Variants in CSNK1E observed in about 807,000 individuals in gnomAD.
The protein encoded by CSNK1E is casein kinase I isoform epsilon.
A neutral mutation model predicts 46.1 loss-of-function variants in CSNK1E; 17 were observed. The ratio of observed to expected loss-of-function variants is 0.37; its 90% CI spans 0.25 to 0.55. CSNK1E has a LOEUF of 0.55. CSNK1E is among the 20% of genes least tolerant of loss of function. CSNK1E has a pLI of 0.82. For missense variants in CSNK1E, 386 were observed against 595.4 expected (o/e 0.65, Z 3.66); for synonymous variants, 241 against 242.6 (o/e 0.99, Z 0.06).
chr22:38,311,296 A>C (rs1341071308), intron 2 of CSNK1E, among the ~76,000 whole-genome samples: 1 of 152,220 alleles, frequency 6.6e-6, no homozygotes, highest in African/African-American at 2.4e-5. Context: ...AGGAAGAACC[A>C]GCACCCAAAC....
chr22:38,317,758 C>T (rs980648739), upstream of CSNK1E, among the ~76,000 whole-genome samples: 5 of 152,162 alleles, frequency 3.3e-5, no homozygotes, highest in Non-Finnish European at 5.9e-5. Context: ...AAAGTCTCCT[C>T]TCCCCGCCTG....
chr22:38,293,117 T>A, intron 10 of CSNK1E, 138 bp downstream of exon 10: 1 of 743,274 alleles, frequency 1.3e-6, no homozygotes, highest in Non-Finnish European at 2.4e-6. Flanking sequence ...TTGAGGCCCC[T>A]TAGAGTTCTG....
intron 9 of CSNK1E, among the ~76,000 whole-genome samples, 171 bp from the exon 10 acceptor site, chr22:38,293,490 G>A (rs897577197): frequency 1.3e-5 from 2 of 151,802 alleles, no homozygotes; most frequent in African/African-American, 2.4e-5. Context: ...AGGCCTGTGT[G>A]ATTCCAGTGA....
rs12157418 is a variant in CSNK1E at position 38,298,675 on chromosome 22, G to A, written c.885+111C>T. The A allele has an allele frequency of 4.2e-5, 53 of 1,275,442 alleles. No individual in the cohort carries two copies. The highest frequency in any genetic ancestry group is 4.6e-5 in the Non-Finnish European group (41 of 895,808). 79.0% of individuals were successfully genotyped at this position (1,275,442 alleles called of 1,614,324 possible). A position where few individuals can be genotyped will look rare whatever the true frequency, so the allele number is the denominator to read the frequency against. On this transcript the variant is annotated intron_variant, in intron 7 of 10. Transcript: ENST00000396832. This position sits in a 1 kb window ranked among gnomAD's most constrained non-coding sequence, Gnocchi z 4.2. ...TGAGGTCAACCACACTGTCCAGCTC[G>A]TACCTCCCGTCTGTCGGGAGCCCCT...
chr22:38,303,308 C>A lies in CSNK1E; in HGVS notation c.77-60G>T, dbSNP rs529177518. 8.5e-6 allele frequency: 12 copies of A among 1,410,700 alleles called. No homozygotes were observed. In the East Asian group the frequency reaches 2.2e-4, roughly 26 times the overall value. The allele number at this position is 1,410,700 out of a possible 1,614,324, so 87.4% of individuals were successfully genotyped here. A position where few individuals can be genotyped will look rare whatever the true frequency, so the allele number is the denominator to read the frequency against. On this transcript the variant is annotated intron_variant, in intron 2 of 10. Coordinates refer to ENST00000396832, the MANE Select transcript of CSNK1E (RefSeq NM_152221.3). This position sits in a 1 kb window ranked among gnomAD's most constrained non-coding sequence, Gnocchi z 4.7. ...CCCTCAAAGGCCAGGCAGTCCCAGG[C>A]GCCCCACTAAGCATTTCTGAGATCT... is the stretch of plus-strand genomic sequence containing the variant.
chr22:38,317,743 G>C (rs1025203167), upstream of CSNK1E, among the ~76,000 whole-genome samples: 1 of 152,052 alleles, frequency 6.6e-6, no homozygotes, highest in Non-Finnish European at 1.5e-5. Flanking sequence ...GGAGGGTCTA[G>C]ACCCAAAGTC....
Position 38,303,116 on chromosome 22 carries a change from C to A in CSNK1E, c.187+22G>T. 6.2e-7 allele frequency: 1 copy of A among 1,600,130 alleles called. No individual in the cohort carries two copies. The highest frequency in any genetic ancestry group is 8.5e-7 in the Non-Finnish European group (1 of 1,174,458). On this transcript the variant is annotated intron_variant, in intron 3 of 10. Transcript: ENST00000396832. The surrounding 1 kb of genome is among the most constrained non-coding windows in gnomAD (Gnocchi z 4.7). The stretch of plus-strand genomic sequence containing the variant: ...CCCACCGCCACCCACCCGGCGCCCG[C>A]CGCCGCCCACCCTGCGCTCACCGCC...
chr22:38,295,444 G>C (rs1203695033), intron 7 of CSNK1E: 1 of 974,042 alleles, frequency 1.0e-6, no homozygotes, highest in Admixed American at 6.2e-5. Context: ...GAAGGGGGCC[G>C]CATCTGTGGA....
At chr22:38,317,565 G>C (rs540812640), upstream of CSNK1E, 2 of 152,810 alleles carry the variant, frequency 1.3e-5, no homozygotes, top group Non-Finnish European at 2.9e-5. Context: ...GCTGCGAGAC[G>C]CAGTTCCCCA....
chr22:38,293,464 C>A, intron 9 of CSNK1E, 145 bp from the exon 10 acceptor site: 3 of 615,168 alleles, frequency 4.9e-6, no homozygotes, highest in Non-Finnish European at 5.8e-6. Context: ...TCCAGGCAGC[C>A]CCTCAAGCTG....
In CSNK1E at chr22:38,294,090, T is replaced by G; in HGVS notation, c.1218+19A>C. ...ACTCAGTTCTGAGGCCCAGAGGGAC[T>G]GGCAGGGGGGCAGCTCACCTGTGAG... On this transcript the variant is annotated intron_variant, in intron 9 of 10. Transcript: ENST00000396832. The surrounding 1 kb of genome is among the most constrained non-coding windows in gnomAD (Gnocchi z 5.5). The G allele has an allele frequency of 6.2e-7, 1 of 1,606,072 alleles. No individual in the cohort carries two copies. Among genetic ancestry groups the G allele is most frequent in the South Asian group, 1.1e-5 (1 of 90,580 alleles).
intron 2 of CSNK1E, among the ~76,000 whole-genome samples, chr22:38,304,286 G>A (rs932757780): frequency 1.1e-3 from 165 of 152,280 alleles, no homozygotes; most frequent in African/African-American, 3.8e-3. Flanking sequence ...GAAAAGATGA[G>A]ACTGTTCATT....
At position 38,298,695 on chromosome 22, in the gene CSNK1E, GC is replaced by G; in HGVS notation, c.885+90del. On this transcript the variant is annotated intron_variant, in intron 7 of 10. Coordinates refer to ENST00000396832, the MANE Select transcript of CSNK1E (RefSeq NM_152221.3). The surrounding 1 kb of genome is among the most constrained non-coding windows in gnomAD (Gnocchi z 4.2). ...AGCTCGTACCTCCCGTCTGTCGGGA[GC>G]CCCTCCCGCCACCAGCTCACTCTGG... 1 of 1,473,448 alleles carries G rather than the reference GC, an allele frequency of 6.8e-7. No homozygotes were observed. 91.3% of individuals were successfully genotyped at this position (1,473,448 alleles called of 1,614,324 possible). A position where few individuals can be genotyped will look rare whatever the true frequency, so the allele number is the denominator to read the frequency against.
intron 9 of CSNK1E, chr22:38,293,781 G>A (rs114999285): frequency 4.8e-6 from 2 of 417,602 alleles, no homozygotes; most frequent in East Asian, 4.0e-5. Flanking sequence ...GCTCCTGGGG[G>A]CTCCCTGATG....
chr22:38,292,507 C>T (rs2092616622), intron 10 of CSNK1E: 1 of 152,254 alleles, frequency 6.6e-6, no homozygotes, highest in South Asian at 2.1e-4. Flanking sequence ...GAAGGCCAGC[C>T]CTGTTCATGC....
intron 2 of CSNK1E, among the ~76,000 whole-genome samples, chr22:38,306,715 G>C (rs1375776895): frequency 7.1e-6 from 1 of 141,226 alleles, no homozygotes; most frequent in Non-Finnish European, 1.5e-5. Context: ...TGGCGACAGA[G>C]CAAGACTCCA....
At chr22:38,308,935 T>A (rs537729111) in intron 2 of CSNK1E, among the ~76,000 whole-genome samples, 1 of 152,206 alleles carries the variant, frequency 6.6e-6, no homozygotes, top group African/African-American at 2.4e-5. Flanking sequence ...CCGGCTAAGA[T>A]CCTGGCCTTC....
At chr22:38,308,989 A>T (rs1156319556) in intron 2 of CSNK1E, among the ~76,000 whole-genome samples, 1 of 152,138 alleles carries the variant, frequency 6.6e-6, no homozygotes, top group Non-Finnish European at 1.5e-5. Context: ...TGATCACAGG[A>T]TCTCTCAACC....
rs1265265449 is a variant in CSNK1E, at chr22:38,317,161, C to A, written c.-14G>T. ...GGCCCGCGGCCCCCCGATATTTACC[C>A]CGCCGGGAAGGCGCCGATGCCGGGC... On this transcript the variant is annotated splice_region_variant and 5_prime_UTR_variant, in exon 1 of 11. Transcript: ENST00000396832. 1 of 151,338 alleles carries A rather than the reference C, an allele frequency of 6.6e-6. No individual in the cohort carries two copies. Among genetic ancestry groups the A allele is most frequent in the Non-Finnish European group, 1.5e-5 (1 of 67,622 alleles). 9.4% of individuals were successfully genotyped at this position (151,338 alleles called of 1,614,324 possible).
Sources: gnomAD v4.1 joint callset for allele counts (sites outside exome capture counted in the v4.1 genomes callset) on GRCh38, gnomAD v4.1.1 for gene constraint, Gnocchi (gnomAD v3.1) non-coding constraint, MANE v1.5 for transcripts, NCBI Gene and HGNC (gene_info 2026-07-23, HGNC 2026-07-21) for gene names.